SPG11: variants seen among roughly 807,000 people sequenced by gnomAD.
SPG11 encodes spatacsin.
Under a neutral mutation model 274.0 loss-of-function variants are expected in SPG11, and 222 were observed. That is an observed-to-expected ratio of 0.81 (90% confidence interval 0.73 to 0.91). The LOEUF (loss-of-function observed/expected upper bound fraction) is 0.91, where lower values mean the gene tolerates loss of function less well. Ranked by LOEUF, SPG11 falls within the 40% of genes least tolerant of loss-of-function variation. The pLI is 0.00. For synonymous variants in SPG11, 1,144 were observed against 1,039.7 expected, an observed-to-expected ratio of 1.10 and a Z score of -1.93; for missense variants, 3,114 against 2,872.7, an observed-to-expected ratio of 1.08 and a Z score of -1.92.
At chr15:44,614,356 A>G (rs1295502835) in intron 16 of SPG11, among the ~76,000 whole-genome samples, 3 of 152,006 alleles carry the variant, frequency 2.0e-5, no homozygotes, top group Non-Finnish European at 4.4e-5. Flanking sequence ...CTTCCCAGGT[A>G]CCTGGGACTA....
Position 44,589,256 on chromosome 15 carries a change from AGAG to A in SPG11, c.4899_4901del (p.Ser1634del). The A allele has an allele frequency of 6.2e-7, 1 of 1,613,818 alleles. No homozygotes were observed. The highest frequency in any genetic ancestry group is 8.5e-7 in the Non-Finnish European group (1 of 1,179,930). The stretch of plus-strand genomic sequence containing the variant: ...TAACTGTAAGGATTGTCTTACCATC[AGAG>A]AAGAGATGCTCTCTTTCAACAAAGA... On this transcript the variant is annotated inframe_deletion, in exon 28 of 40. Transcript: ENST00000261866.
At position 44,660,333 on chromosome 15, in the gene SPG11, G is replaced by A. The variant is rs75927439; in HGVS notation, c.442+99C>T. ...CCTAGTGACTACTATATCAGACAGC[G>A]TAGACCTGATTTCACCTCTATGACT... On this transcript the variant is annotated intron_variant, in intron 2 of 39. Coordinates refer to ENST00000261866, the MANE Select transcript of SPG11 (RefSeq NM_025137.4). The A allele has an allele frequency of 0.012, 13,208 of 1,061,412 alleles. 302 individuals carry two copies. Among genetic ancestry groups the A allele is most frequent in the East Asian group, 0.075 (3,194 of 42,332 alleles). 65.7% of individuals were successfully genotyped at this position (1,061,412 alleles called of 1,614,324 possible).
At chr15:44,619,995 C>T in intron 15 of SPG11, 195 bp downstream of exon 15, 1 of 562,618 alleles carries the variant, frequency 1.8e-6, no homozygotes, top group South Asian at 2.0e-5. Context: ...AGATTACAGG[C>T]ATGAGCCACC....
chr15:44,594,212 G>C (rs955879536), intron 26 of SPG11, among the ~76,000 whole-genome samples: 2 of 151,328 alleles, frequency 1.3e-5, no homozygotes, highest in Admixed American at 6.6e-5. Context: ...GGATCACGAG[G>C]TCAGGAGATT....
rs1045818508 is a variant in SPG11 at position 44,591,364 on chromosome 15, T to C, written c.4743+967A>G. On this transcript the variant is annotated intron_variant, in intron 27 of 39. Transcript: ENST00000261866. ...ATTCTTTTTTAAAAAATATTTCTCT[T>C]CTTGATTCTTTATCCTCCTGAGTGT... 2.0e-5 allele frequency among the ~76,000 whole-genome samples: 3 copies of C among 152,232 alleles called. No homozygotes were observed. The South Asian group carries it at 6.2e-4, about 31-fold the overall frequency.
chr15:44,599,141 G>C (rs2140979164), intron 21 of SPG11, among the ~76,000 whole-genome samples: 1 of 152,158 alleles, frequency 6.6e-6, no homozygotes, highest in South Asian at 2.1e-4. Flanking sequence ...CTGCCAACTT[G>C]TGATCTTATC....
In SPG11 at chr15:44,562,818, T is replaced by TATTC. The variant is rs2140907336; in HGVS notation, c.*299_*302dup. 1 of 300,482 alleles carries TATTC rather than the reference T, an allele frequency of 3.3e-6. No homozygotes were observed. The highest frequency in any genetic ancestry group is 5.0e-5 in the South Asian group (1 of 20,182). 18.6% of individuals were successfully genotyped at this position (300,482 alleles called of 1,614,324 possible). On this transcript the variant is annotated 3_prime_UTR_variant, in exon 40 of 40. Transcript: ENST00000261866. Reference sequence around the variant, plus strand: ...TGAAACTGGAATCTGCAGGTACAGGTATTCTTTAATCATTATTGGATCATC... The same window carrying TATTC: ...TGAAACTGGAATCTGCAGGTACAGGTATTCATTCTTTAATCATTATTGGATCATC...
intron 15 of SPG11, among the ~76,000 whole-genome samples, chr15:44,619,250 T>C (rs182772271): frequency 2.6e-5 from 4 of 152,274 alleles, no homozygotes; most frequent in East Asian, 1.9e-4. Flanking sequence ...TAAGTGTAAA[T>C]AGAAAATAAT....
At chr15:44,609,098 C>A (rs1246592319) in intron 18 of SPG11, among the ~76,000 whole-genome samples, 1 of 152,078 alleles carries the variant, frequency 6.6e-6, no homozygotes, top group African/African-American at 2.4e-5. Context: ...TAAGCTAGCA[C>A]CATTAAGAAA....
intron 11 of SPG11, among the ~76,000 whole-genome samples, chr15:44,625,633 A>G (rs1475214944): frequency 6.6e-6 from 1 of 151,158 alleles, no homozygotes; most frequent in Non-Finnish European, 1.5e-5. Context: ...AGCCAATTAA[A>G]CCTCTTTTCT....
chr15:44,651,295 C>G (rs989767173), intron 6 of SPG11, among the ~76,000 whole-genome samples, 196 bp downstream of exon 6: 3 of 152,152 alleles, frequency 2.0e-5, no homozygotes, highest in Non-Finnish European at 4.4e-5. Context: ...AGTATCTTAG[C>G]ATTTAGCTGG....
At chr15:44,636,925 C>CAAAAAAAAAAAAAACAAAAAAAAA (rs2084276201) in intron 7 of SPG11, among the ~76,000 whole-genome samples, 1 of 19,454 alleles carries the variant, frequency 5.1e-5, no homozygotes, top group Non-Finnish European at 8.0e-5. Flanking sequence ...GACTCCATCT[C>CAAAAAAAAAAAAAACAAAAAAAAA]AAAAAAAAAA....
At position 44,628,703 on chromosome 15, in the gene SPG11, T is replaced by C; in HGVS notation, c.2033A>G (p.Lys678Arg). The C allele has an allele frequency of 6.2e-7, 1 of 1,613,808 alleles. No homozygotes were observed. The highest frequency in any genetic ancestry group is 8.5e-7 in the Non-Finnish European group (1 of 1,179,948). ...YDVHENVPKV[K>R]ESNIWKKLSF... ...GAGTTTCTTCCATATATTGCTCTCC[T>C]TTACTTTGGGGACATTTTCATGTAC... The change falls in exon 10 of 40, where the codon AAG (lysine) becomes AGG (arginine). Residue 678 changes from lysine (K) to arginine (R), a missense_variant. Physicochemically the swap from Lys to Arg is conservative, Grantham distance 26 (BLOSUM62 2). Transcript: ENST00000261866.
chr15:44,641,737 G>A (rs1011620987), intron 7 of SPG11, among the ~76,000 whole-genome samples: 2 of 151,680 alleles, frequency 1.3e-5, no homozygotes, highest in African/African-American at 4.8e-5. Context: ...ATGCAACAAT[G>A]AGAAACCATA....
intron 19 of SPG11, among the ~76,000 whole-genome samples, 198 bp downstream of exon 19, chr15:44,608,246 A>AATT (rs2083372234): frequency 1.3e-5 from 2 of 152,180 alleles, no homozygotes; most frequent in African/African-American, 4.8e-5. Context: ...TTGTTCTTGC[A>AATT]GCCTTAGGGG....
At chr15:44,607,707 C>T (rs1196158145) in intron 19 of SPG11, among the ~76,000 whole-genome samples, 1 of 152,198 alleles carries the variant, frequency 6.6e-6, no homozygotes, top group African/African-American at 2.4e-5. Flanking sequence ...GAATAGGCTT[C>T]AGGAAGTCTG....
chr15:44,656,390 G>A (rs1214872597), intron 4 of SPG11, among the ~76,000 whole-genome samples: 1 of 152,224 alleles, frequency 6.6e-6, no homozygotes, highest in Non-Finnish European at 1.5e-5. Flanking sequence ...TCACAGGGCA[G>A]GAGCAAGAGT....
chr15:44,655,693 G>T (rs954349602), intron 4 of SPG11, among the ~76,000 whole-genome samples: 1 of 152,170 alleles, frequency 6.6e-6, no homozygotes, highest in African/African-American at 2.4e-5. Context: ...CTGGTCAACT[G>T]TAGGCTATTA....
At chr15:44,636,478 G>A (rs972968436) in intron 7 of SPG11, among the ~76,000 whole-genome samples, 4 of 151,184 alleles carry the variant, frequency 2.6e-5, no homozygotes, top group Admixed American at 6.6e-5. Flanking sequence ...TGGCTACCAT[G>A]GTGAAACCCC....
Sources: gnomAD v4.1 joint callset for allele counts (sites outside exome capture counted in the v4.1 genomes callset) on GRCh38, gnomAD v4.1.1 for gene constraint, MANE v1.5 for transcripts, NCBI Gene and HGNC (gene_info 2026-07-23, HGNC 2026-07-21) for gene names.